Variants in NRG2 observed in about 807,000 individuals in gnomAD.
NRG2 encodes pro-neuregulin-2, membrane-bound isoform.
In NRG2, 27 loss-of-function variants were observed where a neutral mutation model predicts 73.9. The ratio of observed to expected loss-of-function variants is 0.37; its 90% CI spans 0.27 to 0.50. The LOEUF (loss-of-function observed/expected upper bound fraction) is 0.50. NRG2 is among the 20% of genes least tolerant of loss of function. The probability of loss-of-function intolerance (pLI) is 0.96; values close to 1 mark genes in which losing one functional copy is unlikely to be tolerated. For missense variants in NRG2, 1,126 were observed against 1,210.1 expected, an observed-to-expected ratio of 0.93 and a Z score of 1.03; for synonymous variants, 532 against 541.0, an observed-to-expected ratio of 0.98 and a Z score of 0.23.
At position 140,038,352 on chromosome 5, in the gene NRG2, C is replaced by T. The variant is rs137935918; in HGVS notation, c.700+4018G>A. 1.4e-3 allele frequency among the ~76,000 whole-genome samples: 210 copies of T among 152,112 alleles called. 1 individual carries two copies. The highest frequency in any genetic ancestry group is 4.8e-3 in the African/African-American group (200 of 41,522). On this transcript the variant is annotated intron_variant, in intron 1 of 9. Coordinates refer to ENST00000361474, the MANE Select transcript of NRG2 (RefSeq NM_004883.3). The stretch of plus-strand genomic sequence containing the variant: ...TTGGGGGTGGGCAAGTAGTAATCTA[C>T]CTTCCAAAAGAAAAAAAAATAAGAG...
intron 1 of NRG2, among the ~76,000 whole-genome samples, chr5:139,991,856 A>C (rs1757654658): frequency 6.6e-6 from 1 of 152,210 alleles, no homozygotes; most frequent in Non-Finnish European, 1.5e-5. Context: ...CATTTACAGA[A>C]GTTCCATATC....
intron 1 of NRG2, among the ~76,000 whole-genome samples, chr5:139,910,554 G>C (rs925859075): frequency 1.3e-5 from 2 of 152,230 alleles, no homozygotes; most frequent in African/African-American, 4.8e-5. Flanking sequence ...CGGGATTTCA[G>C]AGTGGATGAG....
chr5:139,991,652 C>G (rs1757639407), intron 1 of NRG2, among the ~76,000 whole-genome samples: 1 of 152,308 alleles, frequency 6.6e-6, no homozygotes, highest in African/African-American at 2.4e-5. Context: ...CCACCTCAGC[C>G]TCCCAAAGTG....
At chr5:140,035,588 C>T (rs1561769123) in intron 1 of NRG2, among the ~76,000 whole-genome samples, 2 of 152,206 alleles carry the variant, frequency 1.3e-5, no homozygotes, top group African/African-American at 2.4e-5. Context: ...GCATCACTGT[C>T]ACAATAGAAT....
chr5:139,959,449 T>G (rs1222211007), intron 1 of NRG2, among the ~76,000 whole-genome samples: 1 of 152,204 alleles, frequency 6.6e-6, no homozygotes. Context: ...TGATCTTGGC[T>G]CACCACAACC....
chr5:139,961,565 T>A (rs1362736738), intron 1 of NRG2, among the ~76,000 whole-genome samples: 1 of 152,188 alleles, frequency 6.6e-6, no homozygotes, highest in Non-Finnish European at 1.5e-5. Context: ...CTGATCAGCA[T>A]GGGGCTGGAC....
intron 1 of NRG2, among the ~76,000 whole-genome samples, chr5:139,970,615 A>T (rs898225940): frequency 6.6e-6 from 1 of 152,190 alleles, no homozygotes; most frequent in African/African-American, 2.4e-5. Context: ...CTATCCCCTG[A>T]TGAGCTTATC....
rs551814727 is a variant in NRG2, at chr5:139,878,293, A to G, written c.991+2563T>C. 1.7e-3 allele frequency among the ~76,000 whole-genome samples: 260 copies of G among 152,352 alleles called. 1 individual carries two copies. The highest frequency in any genetic ancestry group is 6.0e-3 in the African/African-American group (249 of 41,580). ...CAGGCAAAGATGGCCCCACCCTCCA[A>G]GCACAGTGACTGGTCAAGTGGGTCA... On this transcript the variant is annotated intron_variant, in intron 3 of 9. Coordinates refer to ENST00000361474, the MANE Select transcript of NRG2 (RefSeq NM_004883.3).
At chr5:139,973,917 T>C (rs264339) in intron 1 of NRG2, among the ~76,000 whole-genome samples, 52,403 of 151,946 alleles carry the variant, frequency 0.34, 9,979 homozygotes, top group African/African-American at 0.51. Context: ...TTCTACACAG[T>C]GACAGTTCTG....
intron 3 of NRG2, among the ~76,000 whole-genome samples, chr5:139,875,651 A>AT (rs1561646127): frequency 3.3e-5 from 5 of 152,150 alleles, no homozygotes; most frequent in Admixed American, 2.6e-4. Flanking sequence ...GACCAAGCCA[A>AT]TGGCTGGCTC....
At chr5:140,007,336 C>A (rs900933103) in intron 1 of NRG2, among the ~76,000 whole-genome samples, 21 of 152,080 alleles carry the variant, frequency 1.4e-4, no homozygotes, top group African/African-American at 5.1e-4. Context: ...AGTTAACAGA[C>A]CCCAGGGGAT....
rs1447605816 is a variant in NRG2 at position 140,042,912 on chromosome 5, T to TTGTTGCTGCTGCTCCTGC, written c.140_157dup (p.Ser47_Asn52dup). On this transcript the variant is annotated inframe_insertion, in exon 1 of 10. Transcript: ENST00000361474. ...CGCAGCGGGACGAGAGATGCTGCTG[T>TTGTTGCTGCTGCTCCTGC]TGTTGCTGCTGCTCCTGCTGCTGCT... 6.6e-7 allele frequency: 1 copy of TTGTTGCTGCTGCTCCTGC among 1,524,462 alleles called. No individual in the cohort carries two copies. The highest frequency in any genetic ancestry group is 1.4e-5 in the African/African-American group (1 of 72,488). 94.4% of individuals were successfully genotyped at this position (1,524,462 alleles called of 1,614,324 possible).
At position 139,848,046 on chromosome 5, in the gene NRG2, G is replaced by A. The variant is rs1761106238; in HGVS notation, c.2424C>T (p.Asp808=). The A allele has an allele frequency of 6.6e-7, 1 of 1,506,560 alleles. No individual in the cohort carries two copies. Among genetic ancestry groups the A allele is most frequent in the Admixed American group, 2.1e-5 (1 of 47,274 alleles). The allele number at this position is 1,506,560 out of a possible 1,614,324, so 93.3% of individuals were successfully genotyped here. The part of the protein sequence containing the change: ...LRGAHDALRS[D]SPPLCPAADS... ...CGGCCGCCGGGCACAGTGGCGGCGA[G>A]TCCGAGCGCAGCGCGTCGTGCGCCC... The change falls in exon 10 of 10, where the codon GAC becomes GAT. Residue 808 remains aspartate, a synonymous_variant. Coordinates refer to ENST00000361474, the MANE Select transcript of NRG2 (RefSeq NM_004883.3).
At position 139,887,273 on chromosome 5, in the gene NRG2, A is replaced by C; in HGVS notation, c.872+67T>G. 1 of 1,573,344 alleles carries C rather than the reference A, an allele frequency of 6.4e-7. No individual in the cohort carries two copies. Among genetic ancestry groups the C allele is most frequent in the South Asian group, 1.2e-5 (1 of 85,316 alleles). Reference sequence around the variant, plus strand: ...CACAGCCCTGGCCTCTGCCCAGTTCAGGCCACTCCTTCTCGAGAGGAGGGA... The same window carrying C: ...CACAGCCCTGGCCTCTGCCCAGTTCCGGCCACTCCTTCTCGAGAGGAGGGA... On this transcript the variant is annotated intron_variant, in intron 2 of 9. Transcript: ENST00000361474. The surrounding 1 kb of genome is among the most constrained non-coding windows in gnomAD (Gnocchi z 4.5).
intron 1 of NRG2, among the ~76,000 whole-genome samples, chr5:139,971,812 T>G (rs1755991975): frequency 6.6e-6 from 1 of 152,140 alleles, no homozygotes; most frequent in East Asian, 1.9e-4. Context: ...TGTAGTACTT[T>G]ACAACATATC....
chr5:139,883,225 C>T (rs913848957), intron 2 of NRG2, among the ~76,000 whole-genome samples: 9 of 148,864 alleles, frequency 6.0e-5, no homozygotes, highest in Non-Finnish European at 1.3e-4. Flanking sequence ...ATGGTGACCA[C>T]GCCCTCCCCC....
intron 1 of NRG2, among the ~76,000 whole-genome samples, chr5:140,033,876 A>G (rs1761322304): frequency 3.3e-5 from 5 of 152,242 alleles, no homozygotes; most frequent in Admixed American, 3.3e-4. Flanking sequence ...ATAAAGTGCC[A>G]TCACTATCTT....
At chr5:139,876,475 T>A (rs942493598) in intron 3 of NRG2, among the ~76,000 whole-genome samples, 15 of 152,262 alleles carry the variant, frequency 9.9e-5, no homozygotes, top group African/African-American at 2.4e-4. Flanking sequence ...GTGAATTTTA[T>A]GGTATATAAA....
In NRG2 at chr5:139,846,930, G is replaced by A. The variant is rs1581749795; in HGVS notation, c.*987C>T. ...TTACCTTTTTGACAAATTAGCAGTG[G>A]ACCCAGTTTTTGGGGGTGGGAGGGC... On this transcript the variant is annotated 3_prime_UTR_variant, in exon 10 of 10. Coordinates refer to ENST00000361474, the MANE Select transcript of NRG2 (RefSeq NM_004883.3). 6.6e-6 allele frequency: 1 copy of A among 151,758 alleles called. No individual in the cohort carries two copies. Among genetic ancestry groups the A allele is most frequent in the African/African-American group, 2.4e-5 (1 of 41,228 alleles). 9.4% of individuals were successfully genotyped at this position (151,758 alleles called of 1,614,324 possible).
Sources: allele counts gnomAD v4.1 joint callset (sites outside exome capture counted in the v4.1 genomes callset), GRCh38; gene constraint gnomAD v4.1.1; non-coding constraint Gnocchi (gnomAD v3.1); transcripts MANE v1.5; gene names NCBI Gene and HGNC (gene_info 2026-07-23, HGNC 2026-07-21).